IGFLR1: variants seen among roughly 807,000 people sequenced by gnomAD.
IGFLR1 encodes the protein IGF like family receptor 1, also known as IGF-like family receptor 1.
Under a neutral mutation model 23.4 loss-of-function variants are expected in IGFLR1, and 17 were observed. The observed-to-expected ratio is 0.73, with a 90% CI of 0.50 to 1.09. The LOEUF (loss-of-function observed/expected upper bound fraction) is 1.09, where lower values mean the gene tolerates loss of function less well. IGFLR1 is among the 50% of genes least tolerant of loss of function. IGFLR1 has a pLI of 0.00. For missense variants in IGFLR1, 556 were observed against 459.2 expected (o/e 1.21, Z -1.93); for synonymous variants, 265 against 210.7 (o/e 1.26, Z -2.23).
At chr19:35,741,306 G>C in intron 1 of IGFLR1, 83 bp from the exon 2 acceptor site, 2 of 1,417,560 alleles carry the variant, frequency 1.4e-6, no homozygotes, top group Non-Finnish European at 1.9e-6. Context: ...CGGAAGCCGG[G>C]AATCTACCCC....
intron 4 of IGFLR1, 27 bp downstream of exon 4, chr19:35,739,683 C>G (rs370623789): frequency 6.4e-7 from 1 of 1,563,570 alleles, no homozygotes; most frequent in East Asian, 2.3e-5. Flanking sequence ...TCCACCTTCC[C>G]TGCCCCGGGG....
chr19:35,741,245 G>A lies in IGFLR1; in HGVS notation c.-43-22C>T, dbSNP rs1970214801. On this transcript the variant is annotated intron_variant, in intron 1 of 4. Coordinates refer to ENST00000246532, the MANE Select transcript of IGFLR1 (RefSeq NM_024660.4). ...TCTGCTACACTTTCCGGGGAAATCG[G>A]GCAGAAGAAAGGACGCGGTGATGTG... is the stretch of plus-strand genomic sequence containing the variant. 1.9e-6 allele frequency: 3 copies of A among 1,586,812 alleles called. No homozygotes were observed. The East Asian group carries it at 6.8e-5, about 36-fold the overall frequency.
Position 35,739,740 on chromosome 19 carries a change from C to T in IGFLR1, c.691G>A (p.Glu231Lys). 6.4e-7 allele frequency: 1 copy of T among 1,552,158 alleles called. No individual in the cohort carries two copies. The change falls in exon 4 of 5, where the codon GAG becomes AAG. Residue 231 changes from glutamate (E) to lysine (K), a missense_variant. Physicochemically the swap from Glu to Lys is moderately conservative, Grantham distance 56. Coordinates refer to ENST00000246532, the MANE Select transcript of IGFLR1 (RefSeq NM_024660.4). The stretch of plus-strand genomic sequence containing the variant: ...CTCAGGAGTGGAAGTAGTGAGGCCT[C>T]CTTCCATGTGTCCCCTGTCTCCAGG... ...GALETGDTWK[E>K]ASLLPLLSRE...
chr19:35,739,473 G>T lies in IGFLR1; in HGVS notation c.875C>A (p.Pro292His), dbSNP rs746555642. 8.1e-6 allele frequency: 13 copies of T among 1,613,892 alleles called. No individual in the cohort carries two copies. The highest frequency in any genetic ancestry group is 8.5e-7 in the Non-Finnish European group (1 of 1,180,004). Reference protein sequence around the residue: ...TRHLAARYGLPAAWSTFAYSL... With the variant: ...TRHLAARYGLHAAWSTFAYSL... ...ATAGGCAAAGGTGGACCAGGCAGCA[G>T]GCAGCCCATATCTTGCGGCCAGGTG... Residue 292 changes from proline to histidine, a missense_variant, in exon 5 of 5, where the codon CCT (proline) becomes CAT (histidine). Physicochemically the swap from Pro to His is moderately conservative, Grantham distance 77. Coordinates refer to ENST00000246532, the MANE Select transcript of IGFLR1 (RefSeq NM_024660.4).
rs1365392477 is a variant in IGFLR1, at chr19:35,739,354, G to A, written c.994C>T (p.Leu332Phe). The A allele has an allele frequency of 1.2e-6, 2 of 1,611,910 alleles. No homozygotes were observed. Among genetic ancestry groups the A allele is most frequent in the Non-Finnish European group, 8.5e-7 (1 of 1,179,290 alleles). Residue 332 changes from leucine to phenylalanine, a missense_variant, in exon 5 of 5, where the codon CTC becomes TTC. By Grantham distance (22) the Leu-to-Phe change is conservative. Transcript: ENST00000246532. ...GCATCTGCCCGCCCTAGCTGGGCGA[G>A]GTGTGTGCCAAGCTGGCCCAGGGAG... is the stretch of plus-strand genomic sequence containing the variant. ...SASLGQLGTH[L>F]AQLGRADALR...
Position 35,739,557 on chromosome 19 carries a change from A to C in IGFLR1, c.791T>G (p.Ile264Ser). ...LDELEVLEELIVLLDPEPGPG... is the reference protein window; with the variant it reads ...LDELEVLEELSVLLDPEPGPG... ...CCCAGGCTCAGGGTCCAGCAGTACA[A>C]TCAGCTCTTCCAGCACCTCCAGCTC... Residue 264 changes from isoleucine to serine, a missense_variant, in exon 5 of 5, where the codon ATT (isoleucine) becomes AGT (serine). Transcript: ENST00000246532. 3.7e-6 allele frequency: 6 copies of C among 1,614,122 alleles called. No homozygotes were observed. The highest frequency in any genetic ancestry group is 4.2e-6 in the Non-Finnish European group (5 of 1,180,008).
chr19:35,740,288 G>A, intron 3 of IGFLR1, 92 bp downstream of exon 3: 1 of 1,401,960 alleles, frequency 7.1e-7, no homozygotes, highest in Non-Finnish European at 9.4e-7. Context: ...TGAAACCACG[G>A]CCCCACCCCT....
At position 35,739,257 on chromosome 19, in the gene IGFLR1, T is replaced by G. The variant is rs762652694; in HGVS notation, c.*23A>C. On this transcript the variant is annotated 3_prime_UTR_variant, in exon 5 of 5. Coordinates refer to ENST00000246532, the MANE Select transcript of IGFLR1 (RefSeq NM_024660.4). ...GCTAATTGTATACTGGGCTTAGTAG[T>G]CAGCAAAGTTCTTTATTGGGTGTTA... 6.6e-7 allele frequency: 1 copy of G among 1,523,978 alleles called. No homozygotes were observed. The highest frequency in any genetic ancestry group is 8.9e-7 in the Non-Finnish European group (1 of 1,128,086). 94.4% of individuals were successfully genotyped at this position (1,523,978 alleles called of 1,614,324 possible). A position where few individuals can be genotyped will look rare whatever the true frequency, so the allele number is the denominator to read the frequency against.
At position 35,739,556 on chromosome 19, in the gene IGFLR1, A is replaced by G; in HGVS notation, c.792T>C (p.Ile264=). 6.2e-7 allele frequency: 1 copy of G among 1,614,066 alleles called. No homozygotes were observed. The highest frequency in any genetic ancestry group is 8.5e-7 in the Non-Finnish European group (1 of 1,179,996). Residue 264 remains isoleucine, a synonymous_variant, in exon 5 of 5, where the codon ATT becomes ATC. Transcript: ENST00000246532. ...GCCCAGGCTCAGGGTCCAGCAGTAC[A>G]ATCAGCTCTTCCAGCACCTCCAGCT... ...LDELEVLEEL[I]VLLDPEPGPG...
chr19:35,740,867 AC>A (rs1970188371), intron 2 of IGFLR1, 156 bp downstream of exon 2: 1 of 725,652 alleles, frequency 1.4e-6, no homozygotes, highest in Non-Finnish European at 2.2e-6. Context: ...CACTATCTGC[AC>A]AGGCTCTGCC....
Position 35,740,080 on chromosome 19 carries a change from G to T in IGFLR1, c.351C>A (p.Val117=). 1.9e-6 allele frequency: 3 copies of T among 1,611,606 alleles called. No homozygotes were observed. The highest frequency in any genetic ancestry group is 2.5e-6 in the Non-Finnish European group (3 of 1,179,258). Residue 117 remains valine (V), a synonymous_variant, in exon 4 of 5, where the codon GTC becomes GTA. Transcript: ENST00000246532. ...RTPWRCRERP[V]PAKGHCPLTP... ...TGAGGGGGCAGTGCCCCTTGGCAGGGACCGGCCTCTGGGGATAAGGGGTTG... is the reference window on the plus strand; with the variant it reads ...TGAGGGGGCAGTGCCCCTTGGCAGGTACCGGCCTCTGGGGATAAGGGGTTG...
rs771637121 is a variant in IGFLR1, at chr19:35,740,369, C to T, written c.342+11G>A. On this transcript the variant is annotated intron_variant, in intron 3 of 4. Coordinates refer to ENST00000246532, the MANE Select transcript of IGFLR1 (RefSeq NM_024660.4). Reference sequence around the variant, plus strand: ...AGCACGCCCTTGCCCTGCCGGGAGTCCCATCTGCACCTCTCTGCAGCGCCA... The same window carrying T: ...AGCACGCCCTTGCCCTGCCGGGAGTTCCATCTGCACCTCTCTGCAGCGCCA... 1 of 1,561,890 alleles carries T rather than the reference C, an allele frequency of 6.4e-7. No homozygotes were observed. Among genetic ancestry groups the T allele is most frequent in the Non-Finnish European group, 8.7e-7 (1 of 1,154,874 alleles).
chr19:35,741,514 A>C, intron 1 of IGFLR1: 1 of 325,190 alleles, frequency 3.1e-6, no homozygotes, highest in Non-Finnish European at 5.8e-6. Context: ...GAGAATTAGA[A>C]CCGTCATTAG....
chr19:35,739,801 G>A lies in IGFLR1; in HGVS notation c.630C>T (p.His210=). ...PGLVCGVPNT[H]TPSSSHLSSP... ...AGGACAGATGCGAGGAGGAAGGGGT[G>A]TGGGTGTTGGGGACTCCGCAGACCA... Residue 210 remains histidine, a synonymous_variant, in exon 4 of 5, where the codon CAC becomes CAT. Transcript: ENST00000246532. 1 of 1,587,630 alleles carries A rather than the reference G, an allele frequency of 6.3e-7. No homozygotes were observed. Among genetic ancestry groups the A allele is most frequent in the Non-Finnish European group, 8.6e-7 (1 of 1,163,522 alleles).
At position 35,738,911 on chromosome 19, in the gene IGFLR1, C is replaced by T; in HGVS notation, c.*369G>A. The T allele has an allele frequency of 4.4e-6, 2 of 449,464 alleles. No homozygotes were observed. The highest frequency in any genetic ancestry group is 7.9e-6 in the Non-Finnish European group (2 of 251,862). The allele number at this position is 449,464 out of a possible 1,614,324, so 27.8% of individuals were successfully genotyped here. A position where few individuals can be genotyped will look rare whatever the true frequency, so the allele number is the denominator to read the frequency against. On this transcript the variant is annotated 3_prime_UTR_variant, in exon 5 of 5. Transcript: ENST00000246532. The surrounding 1 kb of genome is among the most constrained non-coding windows in gnomAD (Gnocchi z 8.7). The stretch of plus-strand genomic sequence containing the variant: ...TCTTCCCATTTGTAGGCTGTGGGGG[C>T]AGGTAGGAACCCCACTTCTACACAC...
chr19:35,739,979 T>TC lies in IGFLR1; in HGVS notation c.451dup (p.Glu151GlyfsTer106). The TC allele has an allele frequency of 6.2e-7, 1 of 1,614,076 alleles. No homozygotes were observed. The highest frequency in any genetic ancestry group is 8.5e-7 in the Non-Finnish European group (1 of 1,179,996). On this transcript the variant is annotated frameshift_variant, in exon 4 of 5. Transcript: ENST00000246532. LOFTEE classifies it high-confidence loss of function. ...CGGCCAGGCCTGCTGAGGGACAGGC[T>TC]CAGGGGTCCTCCAGGCAATGGAACT...
rs138397992 is a variant in IGFLR1, at chr19:35,739,543, G to C, written c.805C>G (p.Pro269Ala). The change falls in exon 5 of 5, where the codon CCT becomes GCT. Residue 269 changes from proline to alanine, a missense_variant. Pro to Ala is a conservative substitution (Grantham distance 27). Transcript: ENST00000246532. ...VLEELIVLLDPEPGPGGGMAH... is the reference protein window; with the variant it reads ...VLEELIVLLDAEPGPGGGMAH... ...ATACCCCCACCTGGCCCAGGCTCAG[G>C]GTCCAGCAGTACAATCAGCTCTTCC... 2.8e-4 allele frequency: 459 copies of C among 1,614,130 alleles called. No homozygotes were observed. Among genetic ancestry groups the C allele is most frequent in the Non-Finnish European group, 3.6e-4 (420 of 1,180,036 alleles).
chr19:35,740,713 G>A (rs979457498), intron 2 of IGFLR1, 149 bp from the exon 3 acceptor site: 4 of 794,468 alleles, frequency 5.0e-6, no homozygotes, highest in African/African-American at 3.5e-5. Flanking sequence ...CTTTTCTCCG[G>A]GCTCGCCTTT....
In IGFLR1 at chr19:35,739,533, C is replaced by G. The variant is rs1368453847; in HGVS notation, c.815G>C (p.Gly272Ala). ...ELIVLLDPEP[G>A]PGGGMAHGTT... Reference sequence around the variant, plus strand: ...GCCATGGGCCATACCCCCACCTGGCCCAGGCTCAGGGTCCAGCAGTACAAT... The same window carrying G: ...GCCATGGGCCATACCCCCACCTGGCGCAGGCTCAGGGTCCAGCAGTACAAT... The change falls in exon 5 of 5, where the codon GGG becomes GCG. Residue 272 changes from glycine (G) to alanine (A), a missense_variant. Transcript: ENST00000246532. 1 of 1,614,078 alleles carries G rather than the reference C, an allele frequency of 6.2e-7. No homozygotes were observed. The highest frequency in any genetic ancestry group is 1.3e-5 in the African/African-American group (1 of 75,046).
Sources: allele counts gnomAD v4.1 joint callset, GRCh38; gene constraint gnomAD v4.1.1; non-coding constraint Gnocchi (gnomAD v3.1); transcripts MANE v1.5; gene names NCBI Gene and HGNC (gene_info 2026-07-23, HGNC 2026-07-21).